The following RREB1 variants were observed in gnomAD, a reference collection of about 807,000 sequenced individuals.
The protein encoded by RREB1 is ras responsive element binding protein 1, also known as ras-responsive element-binding protein 1.
In RREB1, 27 loss-of-function variants were observed where a neutral mutation model predicts 117.8. That is an observed-to-expected ratio of 0.23 (90% CI 0.17 to 0.32). The LOEUF (loss-of-function observed/expected upper bound fraction) is 0.32, where lower values mean the gene tolerates loss of function less well. Ranked by LOEUF, RREB1 falls within the 10% of genes least tolerant of loss-of-function variation. RREB1 has a pLI of 1.00. For synonymous variants in RREB1, 1,298 were observed against 1,026.7 expected (o/e 1.26, Z -5.05); for missense variants, 2,577 against 2,378.2 (o/e 1.08, Z -1.74).
intron 11 of RREB1, among the ~76,000 whole-genome samples, chr6:7,245,905 TACAC>T (rs897973297): frequency 8.5e-5 from 13 of 152,196 alleles, no homozygotes; most frequent in African/African-American, 3.1e-4. Context: ...GTGCATACCA[TACAC>T]ACACAACGCA....
chr6:7,120,717 G>GTGGA (rs938702828), intron 1 of RREB1, among the ~76,000 whole-genome samples: 19 of 151,480 alleles, frequency 1.3e-4, no homozygotes, highest in African/African-American at 3.9e-4. Context: ...TGTCAACAGG[G>GTGGA]TGGAGTGCAG....
chr6:7,241,903 A>G (rs1001736195), intron 11 of RREB1, among the ~76,000 whole-genome samples: 15 of 152,256 alleles, frequency 9.9e-5, no homozygotes, highest in African/African-American at 3.6e-4. Flanking sequence ...ACGGAATCTT[A>G]GCCTAACTTG....
intron 6 of RREB1, among the ~76,000 whole-genome samples, chr6:7,191,470 T>A (rs1284213199): frequency 6.6e-6 from 1 of 152,248 alleles, no homozygotes; most frequent in Non-Finnish European, 1.5e-5. Flanking sequence ...TTTTTATTTT[T>A]CTTGGTAGAC....
At chr6:7,189,577 GTTGT>G (rs899193912) in intron 6 of RREB1, among the ~76,000 whole-genome samples, 6 of 152,170 alleles carry the variant, frequency 3.9e-5, no homozygotes, top group East Asian at 3.8e-4. Flanking sequence ...ATTGGAGTTG[GTTGT>G]TTGTTTGGGT....
chr6:7,144,614 C>CTTTTTTTTTTTTTTCTTTTTTT (rs10718610), intron 1 of RREB1, among the ~76,000 whole-genome samples: 1 of 143,708 alleles, frequency 7.0e-6, no homozygotes, highest in African/African-American at 2.5e-5. Context: ...GACATTATTC[C>CTTTTTTTTTTTTTTCTTTTTTT]TTTTTTTTTT....
In RREB1 at chr6:7,187,491, A is replaced by T; in HGVS notation, c.229A>T (p.Thr77Ser). 6.3e-7 allele frequency: 1 copy of T among 1,576,904 alleles called. No individual in the cohort carries two copies. Among genetic ancestry groups the T allele is most frequent in the Non-Finnish European group, 8.6e-7 (1 of 1,156,690 alleles). The change falls in exon 5 of 13, where the codon ACC becomes TCC. Residue 77 changes from threonine to serine, a missense_variant. Coordinates refer to ENST00000379938, the MANE Select transcript of RREB1 (RefSeq NM_001003699.4). The stretch of plus-strand genomic sequence containing the variant: ...CCCCCTGTGTGAGAAGATTTGCACT[A>T]CCCAGCACCAGCTGACCATGCACAT... ...NCPLCEKICT[T>S]QHQLTMHIRQ...
Position 7,231,878 on chromosome 6 carries a change from C to T in RREB1, c.3779C>T (p.Ser1260Phe), listed in dbSNP as rs1277048393. ...HCPRVFPWAS[S>F]LQRHMLTHTG... Reference sequence around the variant, plus strand: ...CCCCGGGTTTTCCCTTGGGCCAGCTCCCTACAGAGGCACATGCTCACACAC... The same window carrying T: ...CCCCGGGTTTTCCCTTGGGCCAGCTTCCTACAGAGGCACATGCTCACACAC... Residue 1260 changes from serine to phenylalanine, a missense_variant, in exon 10 of 13, where the codon TCC becomes TTC. By Grantham distance (155) the Ser-to-Phe change is radical (BLOSUM62 -2). Coordinates refer to ENST00000379938, the MANE Select transcript of RREB1 (RefSeq NM_001003699.4). The T allele has an allele frequency of 1.9e-6, 3 of 1,610,976 alleles. No individual in the cohort carries two copies. Among genetic ancestry groups the T allele is most frequent in the Non-Finnish European group, 1.7e-6 (2 of 1,178,496 alleles).
At chr6:7,164,240 C>T (rs1338104408) in intron 1 of RREB1, among the ~76,000 whole-genome samples, 1 of 152,218 alleles carries the variant, frequency 6.6e-6, no homozygotes, top group Non-Finnish European at 1.5e-5. Context: ...TTCCTCACCT[C>T]CCACCCTTTT....
chr6:7,142,469 C>A (rs535214514), intron 1 of RREB1, among the ~76,000 whole-genome samples: 1 of 152,372 alleles, frequency 6.6e-6, no homozygotes, highest in East Asian at 1.9e-4. Flanking sequence ...ACTGGAAGTA[C>A]ATCACCGGTG....
At chr6:7,179,992 T>TG (rs1405189482) in intron 2 of RREB1, among the ~76,000 whole-genome samples, 1 of 151,938 alleles carries the variant, frequency 6.6e-6, no homozygotes, top group Non-Finnish European at 1.5e-5. Context: ...TCTGCTAGCA[T>TG]GGGGAAATGT....
At position 7,210,787 on chromosome 6, in the gene RREB1, GTGTT is replaced by G. The variant is rs1179752593; in HGVS notation, c.426-12_426-9del. On this transcript the variant is annotated splice_polypyrimidine_tract_variant and intron_variant, in intron 6 of 12. Coordinates refer to ENST00000379938, the MANE Select transcript of RREB1 (RefSeq NM_001003699.4). ...TTCTTTGTTAGATCACATTGTGTGT[GTGTT>G]TGTTCTTTTCAGACATATGAAGATC... 1.2e-6 allele frequency: 2 copies of G among 1,606,800 alleles called. No individual in the cohort carries two copies. Among genetic ancestry groups the G allele is most frequent in the East Asian group, 2.2e-5 (1 of 44,798 alleles).
At position 7,246,478 on chromosome 6, in the gene RREB1, C is replaced by T. The variant is rs1769033367; in HGVS notation, c.4028C>T (p.Thr1343Ile). The change falls in exon 12 of 13, where the codon ACC becomes ATC. Residue 1343 changes from threonine (T) to isoleucine (I), a missense_variant. Transcript: ENST00000379938. The part of the protein sequence containing the change: ...AAAAGEVLDL[T>I]SRDREQPSEG... The stretch of plus-strand genomic sequence containing the variant: ...GCCGCGGGCGAAGTGCTAGACCTCA[C>T]CTCACGGGACAGAGAGCAGCCGTCG... 1 of 1,539,140 alleles carries T rather than the reference C, an allele frequency of 6.5e-7. No homozygotes were observed. Among genetic ancestry groups the T allele is most frequent in the East Asian group, 2.4e-5 (1 of 41,070 alleles).
Position 7,189,279 on chromosome 6 carries a change from A to T in RREB1, c.382A>T (p.Thr128Ser). The T allele has an allele frequency of 6.2e-7, 1 of 1,603,956 alleles. No homozygotes were observed. Among genetic ancestry groups the T allele is most frequent in the Non-Finnish European group, 8.5e-7 (1 of 1,174,768 alleles). ...CTCTGGCGAGAGGCCTTACAAGTGC[A>T]CTGTGTGTGGCCAGTCATTTACCAC... ...VHSGERPYKC[T>S]VCGQSFTTNG... is the part of the protein sequence containing the mutation. Residue 128 changes from threonine to serine, a missense_variant, in exon 6 of 13, where the codon ACT (threonine) becomes TCT (serine). Transcript: ENST00000379938.
chr6:7,215,680 A>G (rs1766857133), intron 8 of RREB1: 1 of 152,254 alleles, frequency 6.6e-6, no homozygotes, highest in Non-Finnish European at 1.5e-5. Flanking sequence ...AAGAGACAAA[A>G]TGAATAATGC....
chr6:7,192,634 A>G (rs1456385611), intron 6 of RREB1, among the ~76,000 whole-genome samples: 1 of 152,200 alleles, frequency 6.6e-6, no homozygotes, highest in Non-Finnish European at 1.5e-5. Flanking sequence ...GTAGTTAGTA[A>G]TAATTTCCTT....
intron 11 of RREB1, among the ~76,000 whole-genome samples, chr6:7,245,511 A>G (rs1329669468): frequency 1.3e-5 from 2 of 152,248 alleles, no homozygotes; most frequent in African/African-American, 4.8e-5. Context: ...TCTTCTTTCA[A>G]CCTTAGTAAA....
intron 1 of RREB1, among the ~76,000 whole-genome samples, chr6:7,111,578 TC>T (rs1461914235): frequency 1.3e-5 from 2 of 152,218 alleles, no homozygotes; most frequent in African/African-American, 4.8e-5. Context: ...AGGGAGTCAT[TC>T]CCTGTTTTAC....
chr6:7,225,633 G>A (rs1767539103), intron 8 of RREB1, among the ~76,000 whole-genome samples: 1 of 152,216 alleles, frequency 6.6e-6, no homozygotes, highest in Non-Finnish European at 1.5e-5. Context: ...TCTCTGAAAT[G>A]AAGGGTCAGA....
intron 1 of RREB1, among the ~76,000 whole-genome samples, chr6:7,132,457 C>T (rs1049795775): frequency 7.2e-5 from 11 of 152,176 alleles, no homozygotes; most frequent in Admixed American, 2.6e-4. Context: ...TGAGCCACCA[C>T]GCCCAGCCAC....
Sources: gnomAD v4.1 joint callset for allele counts (sites outside exome capture counted in the v4.1 genomes callset) on GRCh38, gnomAD v4.1.1 for gene constraint, MANE v1.5 for transcripts, NCBI Gene and HGNC (gene_info 2026-07-23, HGNC 2026-07-21) for gene names.